BBX: variants seen among roughly 807,000 people sequenced by gnomAD.
BBX encodes the protein HMG box transcription factor BBX.
Under a neutral mutation model 100.2 loss-of-function variants are expected in BBX, and 30 were observed. The observed-to-expected ratio is 0.30, with a 90% CI of 0.22 to 0.41. The LOEUF is 0.41. BBX is among the 10% of genes least tolerant of loss of function. BBX has a pLI of 1.00. For missense variants in BBX, 1,023 were observed against 1,129.8 expected (o/e 0.91, Z 1.35); for synonymous variants, 376 against 388.1 (o/e 0.97, Z 0.37).
chr3:107,528,582 A>G (rs900255887), intron 2 of BBX, among the ~76,000 whole-genome samples: 4 of 152,232 alleles, frequency 2.6e-5, no homozygotes, highest in African/African-American at 9.6e-5. Context: ...TGGTATATAT[A>G]GCACTTTTGA....
At chr3:107,565,772 T>C (rs2050852465) in intron 2 of BBX, among the ~76,000 whole-genome samples, 1 of 151,948 alleles carries the variant, frequency 6.6e-6, no homozygotes, top group Admixed American at 6.6e-5. Context: ...TTTTTTTTAT[T>C]TTTTATTTTT....
intron 2 of BBX, among the ~76,000 whole-genome samples, chr3:107,581,879 C>CT (rs1216267707): frequency 1.3e-5 from 2 of 151,976 alleles, no homozygotes; most frequent in South Asian, 2.1e-4. Context: ...CATTAGAATG[C>CT]TTTTTTTAAA....
chr3:107,658,122 A>G (rs1301343067), intron 3 of BBX, among the ~76,000 whole-genome samples: 2 of 152,132 alleles, frequency 1.3e-5, no homozygotes, highest in African/African-American at 2.4e-5. Context: ...AATCTTTCCA[A>G]TATTCCTTCT....
intron 2 of BBX, among the ~76,000 whole-genome samples, chr3:107,538,059 T>G (rs1355357021): frequency 6.6e-6 from 1 of 152,220 alleles, no homozygotes; most frequent in Non-Finnish European, 1.5e-5. Flanking sequence ...GCATAACCAC[T>G]TGGATCTTGT....
At chr3:107,576,998 C>G (rs1401280728) in intron 2 of BBX, among the ~76,000 whole-genome samples, 1 of 152,018 alleles carries the variant, frequency 6.6e-6, no homozygotes, top group Non-Finnish European at 1.5e-5. Flanking sequence ...GTAGCTGGGA[C>G]TACAGGCGTG....
intron 12 of BBX, among the ~76,000 whole-genome samples, chr3:107,775,669 A>C (rs899277615): frequency 1.3e-5 from 2 of 152,132 alleles, no homozygotes; most frequent in African/African-American, 4.8e-5. Context: ...AGCTATGCAA[A>C]TTGTATGCAT....
chr3:107,588,357 G>A (rs2053025298), intron 2 of BBX, among the ~76,000 whole-genome samples: 1 of 150,794 alleles, frequency 6.6e-6, no homozygotes, highest in Non-Finnish European at 1.5e-5. Context: ...GGAGCAGGGG[G>A]TGAGGAATAA....
chr3:107,797,440 T>G (rs1222750954), intron 15 of BBX, among the ~76,000 whole-genome samples: 2 of 149,014 alleles, frequency 1.3e-5, no homozygotes, highest in Admixed American at 6.7e-5. Flanking sequence ...TGTCTGACAT[T>G]AGTTTTCTGA....
chr3:107,677,892 A>G (rs1379070347), intron 3 of BBX, among the ~76,000 whole-genome samples: 6 of 152,106 alleles, frequency 3.9e-5, no homozygotes, highest in Non-Finnish European at 7.4e-5. Context: ...GTATACCCCA[A>G]CGTCTTCTTT....
chr3:107,802,715 G>T lies in BBX; in HGVS notation c.2738+1434G>T, dbSNP rs115025695. 2.7e-3 allele frequency among the ~76,000 whole-genome samples: 412 copies of T among 152,286 alleles called. 4 individuals are homozygous for T. The highest frequency in any genetic ancestry group is 7.1e-3 in the East Asian group (37 of 5,180). On this transcript the variant is annotated intron_variant, in intron 17 of 17. Coordinates refer to ENST00000325805, the MANE Select transcript of BBX (RefSeq NM_001142568.3). The stretch of plus-strand genomic sequence containing the variant: ...TTGCTCTGTTAACCAGCCCTCCATG[G>T]TTCCCAATTTGCATCAGCAGAAAGC...
At chr3:107,561,254 T>A (rs2050473158) in intron 2 of BBX, among the ~76,000 whole-genome samples, 1 of 152,186 alleles carries the variant, frequency 6.6e-6, no homozygotes, top group Non-Finnish European at 1.5e-5. Context: ...TTAAACACTG[T>A]GCTTAGGACA....
intron 5 of BBX, among the ~76,000 whole-genome samples, chr3:107,724,761 G>A (rs1398646106): frequency 2.1e-4 from 32 of 152,054 alleles, no homozygotes; most frequent in South Asian, 1.5e-3. Flanking sequence ...TGTTCCATTG[G>A]TCTATATCTC....
At chr3:107,746,610 C>A (rs1460176640) in intron 8 of BBX, among the ~76,000 whole-genome samples, 2 of 151,892 alleles carry the variant, frequency 1.3e-5, no homozygotes, top group African/African-American at 4.8e-5. Context: ...CTCAGTCAGT[C>A]TCTCTACTAA....
chr3:107,593,386 A>C (rs1202182755), intron 2 of BBX, among the ~76,000 whole-genome samples: 3 of 152,214 alleles, frequency 2.0e-5, no homozygotes, highest in Non-Finnish European at 4.4e-5. Context: ...TCACTAATCC[A>C]CTAAATCCTA....
At chr3:107,778,335 C>A in intron 12 of BBX, 36 bp from the exon 13 acceptor site, 2 of 1,610,038 alleles carry the variant, frequency 1.2e-6, no homozygotes, top group South Asian at 2.2e-5. Flanking sequence ...CATATTTGGT[C>A]ATGTGCTGAT....
chr3:107,782,473 G>A (rs574882802), intron 13 of BBX, among the ~76,000 whole-genome samples: 138 of 152,080 alleles, frequency 9.1e-4, no homozygotes, highest in African/African-American at 3.2e-3. Flanking sequence ...CCAGAGTTAC[G>A]CCTGACATTT....
intron 2 of BBX, among the ~76,000 whole-genome samples, chr3:107,539,855 G>A (rs866994579): frequency 1.3e-5 from 2 of 152,192 alleles, no homozygotes; most frequent in African/African-American, 4.8e-5. Context: ...TTATTGAGCA[G>A]TGTCACACAA....
intron 3 of BBX, among the ~76,000 whole-genome samples, chr3:107,670,141 C>T (rs1263000133): frequency 1.3e-5 from 2 of 152,022 alleles, no homozygotes; most frequent in Non-Finnish European, 2.9e-5. Context: ...AGGAAATGCA[C>T]TTTAAATTGA....
chr3:107,659,508 A>T (rs2058332340), intron 3 of BBX: 1 of 209,082 alleles, frequency 4.8e-6, no homozygotes, highest in Non-Finnish European at 9.8e-6. Flanking sequence ...CCAAATACCT[A>T]TCAAAATATA....
Sources: allele counts gnomAD v4.1 joint callset (sites outside exome capture counted in the v4.1 genomes callset), GRCh38; gene constraint gnomAD v4.1.1; transcripts MANE v1.5; gene names NCBI Gene and HGNC (gene_info 2026-07-23, HGNC 2026-07-21).